Variants in PLPP4 observed in about 807,000 individuals in gnomAD.
The protein encoded by PLPP4 is diacylglycerol pyrophosphate like 2.
In PLPP4, 20 loss-of-function variants were observed where a neutral mutation model predicts 32.2. The observed-to-expected ratio is 0.62, with a 90% CI of 0.44 to 0.90. The LOEUF (loss-of-function observed/expected upper bound fraction) is 0.90, where lower values mean the gene tolerates loss of function less well. Ranked by LOEUF, PLPP4 falls within the 40% of genes least tolerant of loss-of-function variation. The pLI is 0.00. For synonymous variants in PLPP4, 127 were observed against 133.0 expected (o/e 0.95, Z 0.31); for missense variants, 257 against 353.1 (o/e 0.73, Z 2.18).
chr10:120,509,629 C>A (rs925998438), intron 2 of PLPP4, among the ~76,000 whole-genome samples: 5 of 152,076 alleles, frequency 3.3e-5, no homozygotes, highest in Admixed American at 6.5e-5. Flanking sequence ...GCAACCCAGT[C>A]TGGGAGTCTT....
intron 5 of PLPP4, among the ~76,000 whole-genome samples, chr10:120,542,122 T>C (rs538338241): frequency 6.6e-6 from 1 of 152,322 alleles, no homozygotes; most frequent in East Asian, 1.9e-4. Context: ...CGCTGTTGCC[T>C]GCTAGCCTCC....
At chr10:120,498,199 G>A (rs1318269911) in intron 1 of PLPP4, among the ~76,000 whole-genome samples, 1 of 152,174 alleles carries the variant, frequency 6.6e-6, no homozygotes, top group Non-Finnish European at 1.5e-5. Context: ...GCTTTTCAAT[G>A]TAGTAACATT....
rs143529850 is a variant in PLPP4, at chr10:120,463,523, A to G, written c.56+6162A>G. ...ACTGGATTTTATTAGATAAGATTAG[A>G]TAAGGTACTTTAAGTGCCTGTGGTA... On this transcript the variant is annotated intron_variant, in intron 1 of 6. Transcript: ENST00000398250. Among the ~76,000 whole-genome samples the G allele has an allele frequency of 9.3e-3, 1,422 of 152,338 alleles. 11 individuals are homozygous for G. Among genetic ancestry groups the G allele is most frequent in the Admixed American group, 0.017 (266 of 15,306 alleles).
chr10:120,528,069 G>GTTTTTTTTT (rs35501001), intron 5 of PLPP4, among the ~76,000 whole-genome samples: 4 of 84,270 alleles, frequency 4.7e-5, no homozygotes, highest in Admixed American at 1.6e-4. Flanking sequence ...ACCACTCTCC[G>GTTTTTTTTT]TTTTTTTTTT....
chr10:120,538,296 C>T (rs1847158781), intron 5 of PLPP4, among the ~76,000 whole-genome samples: 1 of 151,064 alleles, frequency 6.6e-6, no homozygotes, highest in South Asian at 2.1e-4. Context: ...GAACATTAGC[C>T]AGAACCATCA....
chr10:120,494,676 T>A (rs1259383171), intron 1 of PLPP4, among the ~76,000 whole-genome samples: 2 of 152,206 alleles, frequency 1.3e-5, no homozygotes, highest in Admixed American at 1.3e-4. Context: ...GAGGGGTGGA[T>A]TATTTGATTA....
chr10:120,521,271 C>T (rs1846143750), intron 5 of PLPP4, among the ~76,000 whole-genome samples, 176 bp downstream of exon 5: 1 of 152,156 alleles, frequency 6.6e-6, no homozygotes, highest in African/African-American at 2.4e-5. Context: ...GTAATATGCC[C>T]AGGATGAGGC....
chr10:120,489,655 G>C (rs1444895529), intron 1 of PLPP4, among the ~76,000 whole-genome samples: 3 of 152,138 alleles, frequency 2.0e-5, no homozygotes, highest in East Asian at 3.9e-4. Context: ...ACTCAAGGTT[G>C]CCAGATCAAA....
chr10:120,584,748 A>C (rs1386900610), intron 6 of PLPP4, among the ~76,000 whole-genome samples: 2 of 152,180 alleles, frequency 1.3e-5, no homozygotes, highest in South Asian at 4.1e-4. Context: ...TATTGTTTGG[A>C]TCTTGTTCGC....
At chr10:120,568,040 G>A (rs1376621810) in intron 5 of PLPP4, among the ~76,000 whole-genome samples, 1 of 152,156 alleles carries the variant, frequency 6.6e-6, no homozygotes, top group Non-Finnish European at 1.5e-5. Context: ...ATCACTTGGG[G>A]CTTCTCATAC....
chr10:120,554,037 C>T (rs1002746805), intron 5 of PLPP4, among the ~76,000 whole-genome samples: 23 of 152,124 alleles, frequency 1.5e-4, no homozygotes, highest in Non-Finnish European at 2.5e-4. Flanking sequence ...TGTTTCCTAC[C>T]GCATAGTCAG....
At chr10:120,534,649 G>A (rs966425393) in intron 5 of PLPP4, among the ~76,000 whole-genome samples, 1 of 151,318 alleles carries the variant, frequency 6.6e-6, no homozygotes, top group African/African-American at 2.4e-5. Flanking sequence ...TTTTCCTTCT[G>A]TTTATTGGAT....
At chr10:120,540,508 C>T (rs1039203796) in intron 5 of PLPP4, among the ~76,000 whole-genome samples, 6 of 152,138 alleles carry the variant, frequency 3.9e-5, no homozygotes, top group Non-Finnish European at 7.3e-5. Flanking sequence ...AGGGCAGGAC[C>T]GCTGTGAGCC....
chr10:120,589,298 C>T lies in PLPP4; in HGVS notation c.617-5C>T. On this transcript the variant is annotated splice_region_variant and splice_polypyrimidine_tract_variant and intron_variant, in intron 6 of 6. Coordinates refer to ENST00000398250, the MANE Select transcript of PLPP4 (RefSeq NM_001030059.3). The stretch of plus-strand genomic sequence containing the variant: ...ATTTTTCCTGCTCTGCTGTTTCCTG[C>T]CTAGATTCCTTTGTGGGTGGAGTCA... The T allele has an allele frequency of 1.2e-6, 2 of 1,613,984 alleles. No homozygotes were observed. Among genetic ancestry groups the T allele is most frequent in the Non-Finnish European group, 1.7e-6 (2 of 1,179,870 alleles).
At chr10:120,492,335 T>C (rs1479379714) in intron 1 of PLPP4, among the ~76,000 whole-genome samples, 3 of 152,262 alleles carry the variant, frequency 2.0e-5, no homozygotes, top group Non-Finnish European at 4.4e-5. Flanking sequence ...TTTGGACTTC[T>C]GGGGTGATGC....
chr10:120,457,120 C>T (rs1270032120), upstream of PLPP4: 1 of 250,394 alleles, frequency 4.0e-6, no homozygotes, highest in Non-Finnish European at 7.4e-6. Context: ...GCCCCGGAGC[C>T]CGAGGCGCGA....
At chr10:120,476,760 A>G (rs1347072639) in intron 1 of PLPP4, among the ~76,000 whole-genome samples, 1 of 152,210 alleles carries the variant, frequency 6.6e-6, no homozygotes, top group East Asian at 1.9e-4. Context: ...TCTGAAGAGG[A>G]TAGTAGAAAT....
At chr10:120,514,089 A>AT (rs1391665220) in intron 3 of PLPP4, 88 bp downstream of exon 3, 8 of 1,042,408 alleles carry the variant, frequency 7.7e-6, no homozygotes, top group Admixed American at 1.8e-5. Flanking sequence ...CACCCAACTG[A>AT]TTTTTTTCTT....
At chr10:120,512,748 G>T (rs10886701) in intron 2 of PLPP4, among the ~76,000 whole-genome samples, 10,071 of 152,250 alleles carry the variant, frequency 0.066, 428 homozygotes, top group South Asian at 0.17. Flanking sequence ...GGGAGGTGGA[G>T]GTTGCAGTGA....
Sources: allele counts gnomAD v4.1 joint callset (sites outside exome capture counted in the v4.1 genomes callset), GRCh38; gene constraint gnomAD v4.1.1; transcripts MANE v1.5; gene names NCBI Gene and HGNC (gene_info 2026-07-23, HGNC 2026-07-21).